Variants in CACNA1F observed in about 807,000 individuals in gnomAD.
CACNA1F encodes the protein calcium voltage-gated channel subunit alpha1 F.
Under a neutral mutation model 143.8 loss-of-function variants are expected in CACNA1F, and 59 were observed. That is an observed-to-expected ratio of 0.41 (90% confidence interval 0.33 to 0.51). The LOEUF (loss-of-function observed/expected upper bound fraction) is 0.51, where lower values mean the gene tolerates loss of function less well. Among genes scored for constraint, CACNA1F ranks in the 20% least tolerant of loss-of-function variants. CACNA1F has a pLI of 0.22. For missense variants in CACNA1F, 1,411 were observed against 1,647.5 expected, an observed-to-expected ratio of 0.86 and a Z score of 2.48; for synonymous variants, 643 against 649.1, an observed-to-expected ratio of 0.99 and a Z score of 0.14.
In CACNA1F at chrX:49,216,474, C is replaced by A. The variant is rs1569528105; in HGVS notation, c.3144G>T (p.Glu1048Asp). 9.9e-6 allele frequency: 12 copies of A among 1,206,889 alleles called. No homozygotes were observed. The highest frequency in any genetic ancestry group is 1.3e-5 in the Non-Finnish European group (12 of 892,330). The change falls in exon 27 of 48, where the codon GAG (glutamate) becomes GAT (aspartate). Residue 1048 changes from glutamate (E) to aspartate (D), a missense_variant. By Grantham distance (45) the Glu-to-Asp change is conservative. Transcript: ENST00000323022. ...DGDVSRPLVR[E>D]RLWVNSDFNF... ...TGAAATCACTGTTGACCCAGAGCCG[C>A]TCCCGGACCAGGGGCCGTGACACGT...
At chrX:49,207,693 G>T (rs1387134795) in intron 43 of CACNA1F, among the ~76,000 whole-genome samples, 1 of 110,311 alleles carries the variant, frequency 9.1e-6, no homozygotes, top group Non-Finnish European at 1.9e-5. Flanking sequence ...GCCTCCCAAA[G>T]TGCTGGGATT....
chrX:49,231,439 A>G, intron 2 of CACNA1F, 132 bp from the exon 3 acceptor site: 1 of 615,576 alleles, frequency 1.6e-6, no homozygotes, highest in Non-Finnish European at 2.7e-6. Context: ...CCCTGCCCTG[A>G]CAAGGCCTTG....
chrX:49,220,501 T>C lies in CACNA1F; in HGVS notation c.2358A>G (p.Glu786=), dbSNP rs1557108540. ...EGLVPGVEKE[E]EEGARREGAD... ...CTCCTTCCCTCCTTGCACCCTCCTC[T>C]TCCTCTTTCTCCACACCAGGCACCT... The change falls in exon 19 of 48, where the codon GAA becomes GAG. Residue 786 remains glutamate (E), a synonymous_variant. Transcript: ENST00000323022. 1.7e-6 allele frequency: 2 copies of C among 1,209,071 alleles called. No homozygotes were observed. The highest frequency in any genetic ancestry group is 3.5e-5 in the African/African-American group (2 of 57,745).
chrX:49,205,299 C>T lies in CACNA1F; in HGVS notation c.5739G>A (p.Glu1913=). 1 of 1,210,425 alleles carries T rather than the reference C, an allele frequency of 8.3e-7. No homozygotes were observed. Among genetic ancestry groups the T allele is most frequent in the East Asian group, 3.0e-5 (1 of 33,757 alleles). The part of the protein sequence containing the change: ...DPRFVALAKQ[E]IADACRLTLD... ...GCGTCAGGCGACACGCATCTGCAAT[C>T]TCCTGCTTGGCCAGGGCCACGAAAC... Residue 1913 remains glutamate, a synonymous_variant, in exon 48 of 48, where the codon GAG becomes GAA. Transcript: ENST00000323022.
intron 34 of CACNA1F, 93 bp downstream of exon 34, chrX:49,212,150 G>A: frequency 1.2e-6 from 1 of 858,088 alleles, no homozygotes; most frequent in Non-Finnish European, 1.7e-6. Context: ...CAGCTTGTCT[G>A]TCTACCTGCC....
rs1300757526 is a variant in CACNA1F at position 49,213,007 on chromosome X, A to G, written c.3793-13T>C. ...GGTGGCCACCATTCTGGAGGGAGAT[A>G]TGGCCAAGAAAAAGGTGATACAGGA... On this transcript the variant is annotated splice_polypyrimidine_tract_variant and intron_variant, in intron 31 of 47. Transcript: ENST00000323022. 2 of 1,186,017 alleles carry G rather than the reference A, an allele frequency of 1.7e-6. No homozygotes were observed. Among genetic ancestry groups the G allele is most frequent in the Non-Finnish European group, 2.3e-6 (2 of 876,445 alleles).
rs2147907573 is a variant in CACNA1F at position 49,218,006 on chromosome X, C to T, written c.2929-1G>A. 8.4e-7 allele frequency: 1 copy of T among 1,189,351 alleles called. No individual in the cohort carries two copies. ...CCACAAATACACACTGCACCACATG[C>T]TGCGGGCACCCAAGCATATGGCTAC... On this transcript the variant is annotated splice_acceptor_variant, in intron 24 of 47. Coordinates refer to ENST00000323022, the MANE Select transcript of CACNA1F (RefSeq NM_001256789.3). LOFTEE classifies it high-confidence loss of function.
At chrX:49,231,124 G>T (rs949951876) in intron 3 of CACNA1F, 78 bp downstream of exon 3, 106 of 816,008 alleles carry the variant, frequency 1.3e-4, no homozygotes, top group Non-Finnish European at 2.5e-5. Context: ...CAGAGAGGGG[G>T]CGGGGTCTGG....
At chrX:49,214,088 A>G in intron 30 of CACNA1F, 71 bp downstream of exon 30, 2 of 768,476 alleles carry the variant, frequency 2.6e-6, no homozygotes, top group East Asian at 3.2e-5. Flanking sequence ...CGCCAACCCC[A>G]GAGCTCTGCA....
In CACNA1F at chrX:49,218,928, A is replaced by C. The variant is rs782044124; in HGVS notation, c.2687T>G (p.Phe896Cys). Residue 896 changes from phenylalanine (F) to cysteine (C), a missense_variant, in exon 22 of 48, where the codon TTC becomes TGC. Physicochemically the swap from Phe to Cys is radical, Grantham distance 205. Around this residue, in one of 3 missense-constraint regions of CACNA1F, gnomAD observed 950 missense variants for 1,128.1 expected, o/e 0.84. Coordinates refer to ENST00000323022, the MANE Select transcript of CACNA1F (RefSeq NM_001256789.3). ...GAAAATGGAGGTGAAGGCATAATCG[A>C]AGTAACCCAGAATCTGGGGTGTGAG... The part of the protein sequence containing the change: ...HSFRNHILGY[F>C]DYAFTSIFTV... 8.3e-7 allele frequency: 1 copy of C among 1,207,074 alleles called. No individual in the cohort carries two copies.
intron 31 of CACNA1F, 95 bp from the exon 32 acceptor site, chrX:49,213,089 G>A: frequency 1.3e-6 from 1 of 744,932 alleles, no homozygotes; most frequent in South Asian, 2.2e-5. Flanking sequence ...GCAGATATAG[G>A]GGGTGATGGT....
intron 14 of CACNA1F, among the ~76,000 whole-genome samples, chrX:49,224,491 G>A (rs782238550): frequency 6.3e-5 from 7 of 110,558 alleles, no homozygotes; most frequent in South Asian, 3.9e-4. Context: ...TCGGAGACAG[G>A]GTTGGGGAAA....
chrX:49,230,619 G>C lies in CACNA1F; in HGVS notation c.522-10C>G, dbSNP rs1557111119. 1 of 1,161,652 alleles carries C rather than the reference G, an allele frequency of 8.6e-7. No individual in the cohort carries two copies. The highest frequency in any genetic ancestry group is 3.2e-5 in the East Asian group (1 of 31,094). ...CAGAACGCTGAACAGCCTGATGGGG[G>C]AGCACCGGGCAGGGAGGCGGAGGTC... On this transcript the variant is annotated splice_polypyrimidine_tract_variant and intron_variant, in intron 4 of 47. Transcript: ENST00000323022.
rs1395349707 is a variant in CACNA1F, at chrX:49,228,016, G to A, written c.1118+20C>T. ...GCAGTGGCTGAGGGGTGGGAAGCAGGGAGTGTCTAGGTCTCTCACCCACTC... is the reference window on the plus strand; with the variant it reads ...GCAGTGGCTGAGGGGTGGGAAGCAGAGAGTGTCTAGGTCTCTCACCCACTC... On this transcript the variant is annotated intron_variant, in intron 8 of 47. Transcript: ENST00000323022. 6 of 1,095,022 alleles carry A rather than the reference G, an allele frequency of 5.5e-6. No homozygotes were observed. The highest frequency in any genetic ancestry group is 7.6e-6 in the Non-Finnish European group (6 of 789,717). The allele number at this position is 1,095,022 out of a possible 1,213,427, so 90.2% of individuals were successfully genotyped here. A position where few individuals can be genotyped will look rare whatever the true frequency, so the allele number is the denominator to read the frequency against.
At chrX:49,206,905 G>T in intron 44 of CACNA1F, 50 bp from the exon 45 acceptor site, 5 of 1,170,718 alleles carry the variant, frequency 4.3e-6, no homozygotes, top group Non-Finnish European at 5.8e-6. Context: ...GCCTGGACCT[G>T]GGCCTGGGAG....
chrX:49,216,877 C>T (rs782611447), intron 26 of CACNA1F, among the ~76,000 whole-genome samples: 19 of 111,888 alleles, frequency 1.7e-4, no homozygotes, highest in African/African-American at 3.6e-4. Context: ...AAAAGTAAAA[C>T]GAATAATAGC....
rs1557105824 is a variant in CACNA1F, at chrX:49,209,952, G to A, written c.4679C>T (p.Pro1560Leu). ...MKQKLLDEVIPPPDEEEVTVG... is the reference protein window; with the variant it reads ...MKQKLLDEVILPPDEEEVTVG... ...CGGGGATAGCTCACCGTCTGGTGGGGGGATGACCTCATCTAGCAGCTTCTG... is the reference window on the plus strand; with the variant it reads ...CGGGGATAGCTCACCGTCTGGTGGGAGGATGACCTCATCTAGCAGCTTCTG... The change falls in exon 40 of 48, where the codon CCC (proline) becomes CTC (leucine). Residue 1560 changes from proline (P) to leucine (L), a missense_variant. Physicochemically the swap from Pro to Leu is moderately conservative, Grantham distance 98. This residue lies in a region of CACNA1F where 349 missense variants were observed against 350.2 expected (regional missense o/e 1.00). Transcript: ENST00000323022. 2 of 1,200,121 alleles carry A rather than the reference G, an allele frequency of 1.7e-6. No individual in the cohort carries two copies. The highest frequency in any genetic ancestry group is 5.9e-5 in the East Asian group (2 of 33,783).
rs1189917731 is a variant in CACNA1F, at chrX:49,212,719, C to G, written c.3890G>C (p.Ser1297Thr). The change falls in exon 33 of 48, where the codon AGT (serine) becomes ACT (threonine). Residue 1297 changes from serine (S) to threonine (T), a missense_variant. Physicochemically the swap from Ser to Thr is moderately conservative, Grantham distance 58. Transcript: ENST00000323022. ...FRVMRLVKLLSKGEGIRTLLW... is the reference protein window; with the variant it reads ...FRVMRLVKLLTKGEGIRTLLW... ...CAATGTGCGGATCCCTTCACCCTTA[C>G]TGAGAAGCTTGACCAGCCGCATAAC... is the stretch of plus-strand genomic sequence containing the variant. The G allele has an allele frequency of 2.5e-6, 3 of 1,207,182 alleles. No individual in the cohort carries two copies. In the Admixed American group the frequency reaches 6.6e-5, roughly 27 times the overall value.
At chrX:49,230,139 G>A in intron 6 of CACNA1F, 81 bp downstream of exon 6, 1 of 912,973 alleles carries the variant, frequency 1.1e-6, no homozygotes, top group South Asian at 2.4e-5. Context: ...GTGCATTTCA[G>A]TGGGTTTCCC....
Sources: allele counts gnomAD v4.1 joint callset (sites outside exome capture counted in the v4.1 genomes callset), GRCh38; gene constraint gnomAD v4.1.1; regional missense constraint gnomAD v4.1.1; transcripts MANE v1.5; gene names NCBI Gene and HGNC (gene_info 2026-07-23, HGNC 2026-07-21).